The following RNF138 variants were observed in gnomAD, a reference collection of about 807,000 sequenced individuals.
The protein encoded by RNF138 is E3 ubiquitin-protein ligase RNF138.
Under a neutral mutation model 31.0 loss-of-function variants are expected in RNF138, and 12 were observed. That is an observed-to-expected ratio of 0.39 (90% CI 0.25 to 0.63). The LOEUF (loss-of-function observed/expected upper bound fraction) is 0.63. Among genes scored for constraint, RNF138 ranks in the 20% least tolerant of loss-of-function variants. The pLI is 0.52. For missense variants in RNF138, 192 were observed against 300.1 expected (o/e 0.64, Z 2.66); for synonymous variants, 105 against 99.5 (o/e 1.06, Z -0.33).
At chr18:32,095,178 G>A (rs1305157094) in intron 2 of RNF138, among the ~76,000 whole-genome samples, 1 of 83,910 alleles carries the variant, frequency 1.2e-5, no homozygotes, top group Non-Finnish European at 2.5e-5. Context: ...AAAAATTATC[G>A]TTTTTTTTTG....
Position 32,097,970 on chromosome 18 carries a change from GTGTGTGTT to G in RNF138, c.110+5085_110+5092del, listed in dbSNP as rs1240079554. The stretch of plus-strand genomic sequence containing the variant: ...TGTGTGTGTGTGTGTGTGTGTGTGT[GTGTGTGTT>G]ATTTTTGTTTGTTTGTTTGTTTGTT... On this transcript the variant is annotated intron_variant, in intron 2 of 7. Transcript: ENST00000261593. Among the ~76,000 whole-genome samples, 32 of 58,454 alleles carry G rather than the reference GTGTGTGTT, an allele frequency of 5.5e-4. No homozygotes were observed. In the East Asian group the frequency reaches 7.9e-3, roughly 14 times the overall value. 38.3% of individuals were successfully genotyped at this position (58,454 alleles called of 152,430 possible). A position where few individuals can be genotyped will look rare whatever the true frequency, so the allele number is the denominator to read the frequency against.
At chr18:32,115,684 G>A (rs1231327403) in intron 4 of RNF138, among the ~76,000 whole-genome samples, 2 of 152,160 alleles carry the variant, frequency 1.3e-5, no homozygotes, top group African/African-American at 4.8e-5. Context: ...AACGGAGGTT[G>A]CAGTGAGCCG....
In RNF138 at chr18:32,129,802, T is replaced by C. The variant is rs1010689019; in HGVS notation, c.*615T>C. 3 of 152,588 alleles carry C rather than the reference T, an allele frequency of 2.0e-5. No homozygotes were observed. Among genetic ancestry groups the C allele is most frequent in the Non-Finnish European group, 4.4e-5 (3 of 67,972 alleles). The allele number at this position is 152,588 out of a possible 1,614,324, so 9.5% of individuals were successfully genotyped here. ...AAAGTGAAAGCTTGTTGTAAAGATA[T>C]TTTCTTTTTGTTATTAGAAGGAAAT... is the stretch of plus-strand genomic sequence containing the variant. On this transcript the variant is annotated 3_prime_UTR_variant, in exon 8 of 8. Coordinates refer to ENST00000261593, the MANE Select transcript of RNF138 (RefSeq NM_016271.5).
chr18:32,128,225 G>C (rs1298700041), intron 7 of RNF138, among the ~76,000 whole-genome samples: 2 of 152,170 alleles, frequency 1.3e-5, no homozygotes, highest in African/African-American at 2.4e-5. Context: ...TAAGCTGTAG[G>C]CTTCATGTTA....
At chr18:32,104,085 C>G (rs2039988964) in intron 2 of RNF138, among the ~76,000 whole-genome samples, 2 of 146,960 alleles carry the variant, frequency 1.4e-5, no homozygotes, top group South Asian at 4.3e-4. Flanking sequence ...CTGATCTTGG[C>G]TCACTGCAAC....
intron 4 of RNF138, among the ~76,000 whole-genome samples, chr18:32,117,689 G>T (rs548094550): frequency 6.6e-6 from 1 of 152,234 alleles, no homozygotes; most frequent in South Asian, 2.1e-4. Flanking sequence ...AATAATCTGT[G>T]TCACTTTCAT....
chr18:32,097,727 T>TTA (rs2039835440), intron 2 of RNF138, among the ~76,000 whole-genome samples: 1 of 152,098 alleles, frequency 6.6e-6, no homozygotes, highest in African/African-American at 2.4e-5. Flanking sequence ...TTCACTATAT[T>TTA]GGCCAGGCTG....
At chr18:32,117,879 T>C (rs1377287557) in intron 4 of RNF138, among the ~76,000 whole-genome samples, 1 of 152,242 alleles carries the variant, frequency 6.6e-6, no homozygotes, top group Non-Finnish European at 1.5e-5. Context: ...TTATATATTT[T>C]TGTTTTCTTT....
At chr18:32,128,990 A>G (rs1255082096) in intron 7 of RNF138, 129 bp from the exon 8 acceptor site, 4 of 624,222 alleles carry the variant, frequency 6.4e-6, no homozygotes, top group Non-Finnish European at 8.7e-6. Flanking sequence ...TATGTTTTAC[A>G]TAACTGTCCT....
chr18:32,097,628 CACA>C (rs2039833615), intron 2 of RNF138, among the ~76,000 whole-genome samples: 1 of 152,032 alleles, frequency 6.6e-6, no homozygotes, highest in Admixed American at 6.6e-5. Flanking sequence ...GGACTACAGG[CACA>C]ACAAGTAGCT....
At position 32,092,903 on chromosome 18, in the gene RNF138, T is replaced by G; in HGVS notation, c.110+17T>G. 7.0e-7 allele frequency: 1 copy of G among 1,419,816 alleles called. No individual in the cohort carries two copies. The highest frequency in any genetic ancestry group is 1.5e-5 in the African/African-American group (1 of 68,018). The allele number at this position is 1,419,816 out of a possible 1,614,324, so 88.0% of individuals were successfully genotyped here. A position where few individuals can be genotyped will look rare whatever the true frequency, so the allele number is the denominator to read the frequency against. The stretch of plus-strand genomic sequence containing the variant: ...TCAGCACGTGTGAGTAGACGCCCCC[T>G]CCCCCTCGCGGAGCCGGGTTGTCGC... On this transcript the variant is annotated intron_variant, in intron 2 of 7. Transcript: ENST00000261593.
intron 2 of RNF138, among the ~76,000 whole-genome samples, chr18:32,101,320 G>A (rs2039935998): frequency 6.6e-6 from 1 of 151,020 alleles, no homozygotes. Flanking sequence ...CTAGGTTCAA[G>A]CCATTCTTCT....
At chr18:32,099,923 TACAA>T (rs1485970648) in intron 2 of RNF138, among the ~76,000 whole-genome samples, 8 of 152,220 alleles carry the variant, frequency 5.3e-5, no homozygotes, top group African/African-American at 1.9e-4. Context: ...AAAGGGTAGA[TACAA>T]ACAAATATTT....
At chr18:32,116,641 T>A (rs969007096) in intron 4 of RNF138, among the ~76,000 whole-genome samples, 5 of 151,926 alleles carry the variant, frequency 3.3e-5, no homozygotes, top group African/African-American at 9.7e-5. Context: ...AGCCTTGACC[T>A]CCTGGGCTCA....
At chr18:32,118,913 G>A (rs1025629088) in intron 4 of RNF138, among the ~76,000 whole-genome samples, 1 of 152,166 alleles carries the variant, frequency 6.6e-6, no homozygotes, top group African/African-American at 2.4e-5. Context: ...GGCTGGTTTT[G>A]TATGGTGTCT....
At chr18:32,115,289 A>C (rs1308436210) in intron 4 of RNF138, among the ~76,000 whole-genome samples, 3 of 152,142 alleles carry the variant, frequency 2.0e-5, no homozygotes, top group African/African-American at 7.2e-5. Context: ...TTGATTCCTA[A>C]TAGCAATATT....
chr18:32,103,210 A>G (rs1259106975), intron 2 of RNF138, among the ~76,000 whole-genome samples: 1 of 151,254 alleles, frequency 6.6e-6, no homozygotes, highest in African/African-American at 2.4e-5. Flanking sequence ...ACTAGTTTTA[A>G]TTTAACTCTG....
chr18:32,118,563 G>A (rs146344046), intron 4 of RNF138, among the ~76,000 whole-genome samples: 4,356 of 151,588 alleles, frequency 0.029, 214 homozygotes, highest in African/African-American at 0.1. Flanking sequence ...GGGCGCAGTG[G>A]CTCACGCCTG....
intron 2 of RNF138, among the ~76,000 whole-genome samples, chr18:32,102,193 TTC>T: frequency 1.4e-5 from 2 of 143,778 alleles, no homozygotes; most frequent in East Asian, 2.1e-4. Flanking sequence ...TTCTTTTAGT[TTC>T]TTTTTTTTTT....
Sources: gnomAD v4.1 joint callset for allele counts (sites outside exome capture counted in the v4.1 genomes callset) on GRCh38, gnomAD v4.1.1 for gene constraint, MANE v1.5 for transcripts, NCBI Gene and HGNC (gene_info 2026-07-23, HGNC 2026-07-21) for gene names.